PLCB1: variants seen among roughly 807,000 people sequenced by gnomAD.
PLCB1 encodes phospholipase C beta 1.
A neutral mutation model predicts 161.8 loss-of-function variants in PLCB1; 46 were observed. The ratio of observed to expected loss-of-function variants is 0.28; its 90% CI spans 0.22 to 0.36. The LOEUF (loss-of-function observed/expected upper bound fraction) is 0.36. Ranked by LOEUF, PLCB1 falls within the 10% of genes least tolerant of loss-of-function variation. PLCB1 has a pLI of 1.00. For synonymous variants in PLCB1, 517 were observed against 503.7 expected (o/e 1.03, Z -0.35); for missense variants, 1,016 against 1,472.5 (o/e 0.69, Z 5.07).
At chr20:8,723,626 T>G (rs1348283022) in intron 15 of PLCB1, among the ~76,000 whole-genome samples, 3 of 152,150 alleles carry the variant, frequency 2.0e-5, no homozygotes, top group Non-Finnish European at 4.4e-5. Flanking sequence ...TCACATAAAT[T>G]AACTTATTTT....
At chr20:8,523,496 C>CTCTCTCTCTATATATATATA in intron 3 of PLCB1, among the ~76,000 whole-genome samples, 13 of 51,650 alleles carry the variant, frequency 2.5e-4, no homozygotes, top group East Asian at 1.6e-3. Flanking sequence ...CTCTCTCTCT[C>CTCTCTCTCTATATATATATA]TATATATATA....
chr20:8,877,612 T>C (rs1987823688), intron 31 of PLCB1, among the ~76,000 whole-genome samples: 1 of 152,174 alleles, frequency 6.6e-6, no homozygotes, highest in Admixed American at 6.5e-5. Context: ...CCCTGTAACA[T>C]CTGAGTTTGC....
Position 8,633,609 on chromosome 20 carries a change from C to T in PLCB1, c.384+5178C>T, listed in dbSNP as rs376741797. ...CAGAAAAACAGAAGCTGAGAGGAGG[C>T]AGCCAGTTAATGCCATGCTCATGGG... is the stretch of plus-strand genomic sequence containing the variant. On this transcript the variant is annotated intron_variant, in intron 4 of 31. Coordinates refer to ENST00000338037, the MANE Select transcript of PLCB1 (RefSeq NM_015192.4). 3.7e-4 allele frequency among the ~76,000 whole-genome samples: 56 copies of T among 152,240 alleles called. No individual in the cohort carries two copies. In the East Asian group the frequency reaches 9.3e-3, roughly 25 times the overall value.
At chr20:8,399,860 AC>A (rs1490105340) in intron 3 of PLCB1, among the ~76,000 whole-genome samples, 6 of 152,096 alleles carry the variant, frequency 3.9e-5, no homozygotes, top group African/African-American at 1.2e-4. Flanking sequence ...AAGAAAAAAA[AC>A]CTTTTGGTTA....
At chr20:8,209,553 T>A (rs1978711916) in intron 2 of PLCB1, among the ~76,000 whole-genome samples, 1 of 152,196 alleles carries the variant, frequency 6.6e-6, no homozygotes, top group Non-Finnish European at 1.5e-5. Context: ...TTTCTTTTTT[T>A]AAATTATAAA....
chr20:8,421,220 T>C (rs1434614507), intron 3 of PLCB1, among the ~76,000 whole-genome samples: 4 of 152,220 alleles, frequency 2.6e-5, no homozygotes, highest in Non-Finnish European at 4.4e-5. Context: ...ATGTACCCAC[T>C]TCTCCTTGTC....
intron 3 of PLCB1, among the ~76,000 whole-genome samples, chr20:8,514,988 T>A (rs1450731264): frequency 6.6e-6 from 1 of 152,166 alleles, no homozygotes; most frequent in African/African-American, 2.4e-5. Flanking sequence ...TACACACTAC[T>A]CTTTGAGTAA....
intron 2 of PLCB1, among the ~76,000 whole-genome samples, chr20:8,280,401 C>A (rs967445831): frequency 1.3e-4 from 19 of 151,496 alleles, no homozygotes; most frequent in African/African-American, 3.4e-4. Context: ...GTTGGTAATA[C>A]AAGAACTGCA....
intron 10 of PLCB1, among the ~76,000 whole-genome samples, chr20:8,691,552 C>T (rs771838190): frequency 7.9e-5 from 12 of 152,082 alleles, no homozygotes; most frequent in Admixed American, 5.9e-4. Context: ...TGTCACCACC[C>T]AACTTATTTT....
At chr20:8,445,180 G>A (rs1354822373) in intron 3 of PLCB1, among the ~76,000 whole-genome samples, 1 of 152,134 alleles carries the variant, frequency 6.6e-6, no homozygotes, top group Non-Finnish European at 1.5e-5. Flanking sequence ...ATGGTTTTAG[G>A]TCTGACATTT....
At chr20:8,561,310 T>C (rs1008243367) in intron 3 of PLCB1, among the ~76,000 whole-genome samples, 3 of 151,964 alleles carry the variant, frequency 2.0e-5, no homozygotes, top group Non-Finnish European at 4.4e-5. Flanking sequence ...ACTTAGAACA[T>C]AATATAATTA....
rs77241139 is a variant in PLCB1, at chr20:8,747,354, G to C, written c.2523+5781G>C. 9.7e-3 allele frequency among the ~76,000 whole-genome samples: 1,477 copies of C among 152,240 alleles called. 27 individuals are homozygous for C. The highest frequency in any genetic ancestry group is 0.034 in the African/African-American group (1,400 of 41,506). On this transcript the variant is annotated intron_variant, in intron 23 of 31. Coordinates refer to ENST00000338037, the MANE Select transcript of PLCB1 (RefSeq NM_015192.4). ...TGCCAAGCATTCATTTCCATACTTG[G>C]GAAAGTTGTCCTCTAAGACAGAGTA...
At chr20:8,522,145 T>C (rs1201691029) in intron 3 of PLCB1, among the ~76,000 whole-genome samples, 1 of 152,154 alleles carries the variant, frequency 6.6e-6, no homozygotes, top group Non-Finnish European at 1.5e-5. Flanking sequence ...AATCCTGTGG[T>C]ATGAAAATTC....
intron 12 of PLCB1, among the ~76,000 whole-genome samples, chr20:8,714,249 G>A (rs1979178824): frequency 6.6e-6 from 1 of 152,110 alleles, no homozygotes; most frequent in Non-Finnish European, 1.5e-5. Flanking sequence ...TGATTCTGCT[G>A]ATGGTTCAGG....
At chr20:8,139,070 T>C (rs1188549590) in intron 1 of PLCB1, among the ~76,000 whole-genome samples, 1 of 149,888 alleles carries the variant, frequency 6.7e-6, no homozygotes, top group East Asian at 1.9e-4. Context: ...CATCTGTCTT[T>C]TATTTCAAGG....
intron 31 of PLCB1, among the ~76,000 whole-genome samples, chr20:8,830,979 A>G (rs1985952339): frequency 6.6e-6 from 1 of 152,228 alleles, no homozygotes; most frequent in Non-Finnish European, 1.5e-5. Context: ...TGGCCCCCGC[A>G]TCTCTCTGCC....
chr20:8,147,965 C>T (rs754226932), intron 1 of PLCB1, among the ~76,000 whole-genome samples: 2 of 151,356 alleles, frequency 1.3e-5, no homozygotes, highest in African/African-American at 2.4e-5. Flanking sequence ...CTCTGCCTCC[C>T]GGGTTCATGC....
At chr20:8,569,446 G>T (rs1449449539) in intron 3 of PLCB1, among the ~76,000 whole-genome samples, 1 of 152,144 alleles carries the variant, frequency 6.6e-6, no homozygotes, top group East Asian at 1.9e-4. Flanking sequence ...TAATATGGCA[G>T]GGTACTGTTG....
chr20:8,647,496 A>G lies in PLCB1; in HGVS notation c.465-404A>G, dbSNP rs1989200611. 3.9e-5 allele frequency among the ~76,000 whole-genome samples: 6 copies of G among 152,330 alleles called. 1 individual carries two copies. In the South Asian group the frequency reaches 1.2e-3, roughly 32 times the overall value. Reference sequence around the variant, plus strand: ...CTGAAGTAGAATTCCCAATGTATGCATCCATCAACAGTGACCTAGAGTTCT... The same window carrying G: ...CTGAAGTAGAATTCCCAATGTATGCGTCCATCAACAGTGACCTAGAGTTCT... On this transcript the variant is annotated intron_variant, in intron 5 of 31. Transcript: ENST00000338037.
Sources: allele counts gnomAD v4.1 joint callset (sites outside exome capture counted in the v4.1 genomes callset), GRCh38; gene constraint gnomAD v4.1.1; transcripts MANE v1.5; gene names NCBI Gene and HGNC (gene_info 2026-07-23, HGNC 2026-07-21).